The following ACOT7 variants were observed in gnomAD, a reference collection of about 807,000 sequenced individuals.
The protein encoded by ACOT7 is acyl-CoA thioesterase 7.
A neutral mutation model predicts 40.2 loss-of-function variants in ACOT7; 12 were observed. That is an observed-to-expected ratio of 0.30 (90% CI 0.19 to 0.48). The LOEUF is 0.48. Ranked by LOEUF, ACOT7 falls within the 20% of genes least tolerant of loss-of-function variation. ACOT7 has a pLI of 0.99. For synonymous variants in ACOT7, 228 were observed against 219.5 expected (o/e 1.04, Z -0.34); for missense variants, 395 against 530.8 (o/e 0.74, Z 2.51).
chr1:6,317,995 G>T (rs141234760), intron 6 of ACOT7, among the ~76,000 whole-genome samples: 3 of 152,302 alleles, frequency 2.0e-5, no homozygotes, highest in African/African-American at 4.8e-5. Context: ...GCCTCCCAAA[G>T]TGCTGGGATT....
rs1275825025 is a variant in ACOT7 at position 6,288,768 on chromosome 1, G to C, written c.829+6096C>G. ...ATGGCCGCGGGTGAGGCCTCTCCCAGCCACGACAAGTGCCCCAAGTTCGTA... is the reference window on the plus strand; with the variant it reads ...ATGGCCGCGGGTGAGGCCTCTCCCACCCACGACAAGTGCCCCAAGTTCGTA... On this transcript the variant is annotated intron_variant, in intron 7 of 8. Coordinates refer to ENST00000361521, the MANE Select transcript of ACOT7 (RefSeq NM_007274.4). The surrounding 1 kb of genome is among the most constrained non-coding windows in gnomAD (Gnocchi z 4.3). 6.6e-6 allele frequency among the ~76,000 whole-genome samples: 1 copy of C among 152,210 alleles called. No individual in the cohort carries two copies. The highest frequency in any genetic ancestry group is 1.5e-5 in the Non-Finnish European group (1 of 68,032).
chr1:6,327,722 A>G (rs527481011), intron 4 of ACOT7, among the ~76,000 whole-genome samples: 55 of 152,270 alleles, frequency 3.6e-4, no homozygotes, highest in African/African-American at 1.3e-3. Flanking sequence ...TATCTATTTA[A>G]CGTAATTTTT....
intron 6 of ACOT7, among the ~76,000 whole-genome samples, chr1:6,317,734 T>A (rs1324143083): frequency 6.6e-6 from 1 of 151,270 alleles, no homozygotes; most frequent in Non-Finnish European, 1.5e-5. Flanking sequence ...CTTTCTTTTT[T>A]TTTTTTTTTT....
At chr1:6,393,166 G>A (rs1642563238) in intron 1 of ACOT7, 91 bp downstream of exon 1, 4 of 1,183,262 alleles carry the variant, frequency 3.4e-6, no homozygotes, top group Non-Finnish European at 4.2e-6. Context: ...GGCGGCCTCG[G>A]CGGGTGGGGA....
Position 6,288,408 on chromosome 1 carries a change from C to G in ACOT7, c.829+6456G>C, listed in dbSNP as rs1400242189. On this transcript the variant is annotated intron_variant, in intron 7 of 8. Coordinates refer to ENST00000361521, the MANE Select transcript of ACOT7 (RefSeq NM_007274.4). The surrounding 1 kb of genome is among the most constrained non-coding windows in gnomAD (Gnocchi z 4.3). ...ACACCTGCTAAGGACCCCGTAGGTG[C>G]TTGGCCGGGCTAGTTGGCGCAAAGG... is the stretch of plus-strand genomic sequence containing the variant. Among the ~76,000 whole-genome samples, 1 of 152,250 alleles carries G rather than the reference C, an allele frequency of 6.6e-6. No individual in the cohort carries two copies. Among genetic ancestry groups the G allele is most frequent in the Non-Finnish European group, 1.5e-5 (1 of 68,044 alleles).
chr1:6,335,173 A>G (rs901141247), intron 3 of ACOT7, among the ~76,000 whole-genome samples: 1 of 152,034 alleles, frequency 6.6e-6, no homozygotes, highest in Admixed American at 6.5e-5. Context: ...TCTACTAAAA[A>G]TACAAAAATT....
At chr1:6,388,312 T>C (rs1642474020) in intron 1 of ACOT7, among the ~76,000 whole-genome samples, 1 of 151,848 alleles carries the variant, frequency 6.6e-6, no homozygotes, top group Non-Finnish European at 1.5e-5. Flanking sequence ...GGTTTCACTG[T>C]GTTAGCCAGA....
At chr1:6,366,594 A>T (rs963305787) in intron 1 of ACOT7, among the ~76,000 whole-genome samples, 4 of 151,864 alleles carry the variant, frequency 2.6e-5, no homozygotes, top group Admixed American at 2.6e-4. Flanking sequence ...CTCAAATAAA[A>T]AAAAAAAAAA....
intron 8 of ACOT7, among the ~76,000 whole-genome samples, chr1:6,272,505 T>C (rs1312317209): frequency 6.6e-6 from 1 of 152,192 alleles, no homozygotes; most frequent in Non-Finnish European, 1.5e-5. Context: ...TCTGTGGCCA[T>C]GCTGGGGACT....
At chr1:6,303,227 C>A (rs1381186998) in intron 6 of ACOT7, among the ~76,000 whole-genome samples, 1 of 152,080 alleles carries the variant, frequency 6.6e-6, no homozygotes, top group South Asian at 2.1e-4. Context: ...TACAGTCCAC[C>A]GCAGGCAGTC....
chr1:6,334,469 G>A (rs1341647712), intron 3 of ACOT7, among the ~76,000 whole-genome samples: 2 of 152,242 alleles, frequency 1.3e-5, no homozygotes, highest in African/African-American at 4.8e-5. Context: ...GGACGGCCAG[G>A]GCCCCCACAG....
At chr1:6,298,042 G>T (rs1444594544) in intron 6 of ACOT7, among the ~76,000 whole-genome samples, 2 of 152,088 alleles carry the variant, frequency 1.3e-5, no homozygotes, top group Non-Finnish European at 2.9e-5. Flanking sequence ...GGGGAGGAGG[G>T]GCCAGGTTCA....
chr1:6,302,688 T>C (rs1172452453), intron 6 of ACOT7, among the ~76,000 whole-genome samples: 1 of 152,100 alleles, frequency 6.6e-6, no homozygotes, highest in East Asian at 1.9e-4. Flanking sequence ...CAACCACTGT[T>C]GATCACAAGC....
In ACOT7 at chr1:6,301,834, G is replaced by A. The variant is rs747048802; in HGVS notation, c.713-6854C>T. Among the ~76,000 whole-genome samples the A allele has an allele frequency of 2.0e-4, 30 of 152,180 alleles. No homozygotes were observed. Among genetic ancestry groups the A allele is most frequent in the Non-Finnish European group, 3.5e-4 (24 of 68,024 alleles). Reference sequence around the variant, plus strand: ...AAAAAACCAAGCCCACACTCAAAATGATCTTGCTGTGTGAGCTGGACGGTG... The same window carrying A: ...AAAAAACCAAGCCCACACTCAAAATAATCTTGCTGTGTGAGCTGGACGGTG... On this transcript the variant is annotated intron_variant, in intron 6 of 8. Transcript: ENST00000361521. The surrounding 1 kb of genome is among the most constrained non-coding windows in gnomAD (Gnocchi z 4.1).
rs1383297479 is a variant in ACOT7, at chr1:6,330,379, A to C, written c.511-2966T>G. On this transcript the variant is annotated intron_variant, in intron 4 of 8. Coordinates refer to ENST00000361521, the MANE Select transcript of ACOT7 (RefSeq NM_007274.4). This position sits in a 1 kb window ranked among gnomAD's most constrained non-coding sequence, Gnocchi z 4.6. ...GTGAAAAACAGGAGACCTAGATTCC[A>C]AATCAGTGGGAGGTTTATACTACGT... Among the ~76,000 whole-genome samples the C allele has an allele frequency of 6.6e-6, 1 of 152,172 alleles. No individual in the cohort carries two copies. Among genetic ancestry groups the C allele is most frequent in the Non-Finnish European group, 1.5e-5 (1 of 68,046 alleles).
intron 8 of ACOT7, among the ~76,000 whole-genome samples, chr1:6,265,129 T>C (rs1402944407): frequency 6.6e-6 from 1 of 152,122 alleles, no homozygotes; most frequent in Non-Finnish European, 1.5e-5. Flanking sequence ...TAATGAAACA[T>C]GGGAGCTGAA....
chr1:6,368,137 C>T (rs1238785454), intron 1 of ACOT7, among the ~76,000 whole-genome samples: 4 of 152,150 alleles, frequency 2.6e-5, no homozygotes, highest in African/African-American at 7.2e-5. Flanking sequence ...TCGGGACTGG[C>T]CAGCCAACCC....
chr1:6,264,671 G>A lies in ACOT7; in HGVS notation c.1039C>T (p.Arg347Cys), dbSNP rs1244458814. 4 of 1,613,390 alleles carry A rather than the reference G, an allele frequency of 2.5e-6. No homozygotes were observed. The highest frequency in any genetic ancestry group is 3.4e-6 in the Non-Finnish European group (4 of 1,179,938). ...TACCGCCCTTTGCCTTCCTCAAAGC[G>A]CTTCTTCTCGTCCTCGGTCTCGGGC... The part of the protein sequence containing the change: ...LVPETEDEKK[R>C]FEEGKGRYLQ... Residue 347 changes from arginine to cysteine, a missense_variant, in exon 9 of 9, where the codon CGC becomes TGC. Physicochemically the swap from Arg to Cys is radical, Grantham distance 180. Transcript: ENST00000361521.
chr1:6,302,172 C>T (rs911663274), intron 6 of ACOT7, among the ~76,000 whole-genome samples: 22 of 152,110 alleles, frequency 1.4e-4, no homozygotes, highest in Admixed American at 1.4e-3. Flanking sequence ...CTCTGGCAGA[C>T]AAGGAGGTCT....
Sources: gnomAD v4.1 joint callset for allele counts (sites outside exome capture counted in the v4.1 genomes callset) on GRCh38, gnomAD v4.1.1 for gene constraint, Gnocchi (gnomAD v3.1) non-coding constraint, MANE v1.5 for transcripts, NCBI Gene and HGNC (gene_info 2026-07-23, HGNC 2026-07-21) for gene names.